Variants in PTCHD4 observed in about 807,000 individuals in gnomAD.
The protein encoded by PTCHD4 is patched domain-containing protein 4.
In PTCHD4, 33 loss-of-function variants were observed where a neutral mutation model predicts 58.1. The ratio of observed to expected loss-of-function variants is 0.57; its 90% CI spans 0.43 to 0.76. PTCHD4 has a LOEUF of 0.76. PTCHD4 is among the 30% of genes least tolerant of loss of function. The pLI is 0.00. For missense variants in PTCHD4, 1,058 were observed against 1,027.1 expected, an observed-to-expected ratio of 1.03 and a Z score of -0.41; for synonymous variants, 478 against 409.6, an observed-to-expected ratio of 1.17 and a Z score of -2.02.
intron 4 of PTCHD4, among the ~76,000 whole-genome samples, chr6:47,909,724 G>T (rs1218058336): frequency 1.3e-5 from 2 of 152,066 alleles, no homozygotes; most frequent in Non-Finnish European, 2.9e-5. Context: ...TTGCAGGTAT[G>T]AGCCACCATG....
rs917868790 is a variant in PTCHD4, at chr6:48,086,026, TA to T, written c.-969-16101del. ...TTTTGACATGACCTGTAACAATAAT[TA>T]AAAAAAAAAGTGGTACAGCAATATT... On this transcript the variant is annotated intron_variant, in intron 1 of 4. Coordinates refer to ENST00000339488, the MANE Select transcript of PTCHD4 (RefSeq NM_001384253.1). Among the ~76,000 whole-genome samples, 292 of 148,526 alleles carry T rather than the reference TA, an allele frequency of 2.0e-3. 3 individuals carry two copies. The highest frequency in any genetic ancestry group is 6.4e-4 in the African/African-American group (26 of 40,476).
At chr6:48,106,301 G>A (rs966926816) in intron 1 of PTCHD4, among the ~76,000 whole-genome samples, 5 of 152,188 alleles carry the variant, frequency 3.3e-5, no homozygotes, top group East Asian at 1.9e-4. Flanking sequence ...TTCAACATAC[G>A]AAAATCAATA....
intron 4 of PTCHD4, among the ~76,000 whole-genome samples, chr6:47,912,465 C>A (rs188834294): frequency 6.6e-6 from 1 of 152,088 alleles, no homozygotes; most frequent in Admixed American, 6.6e-5. Flanking sequence ...TTGACCATTG[C>A]GTCCCCCAAC....
intron 3 of PTCHD4, among the ~76,000 whole-genome samples, chr6:48,023,344 GT>G (rs1044625795): frequency 3.9e-5 from 6 of 152,128 alleles, no homozygotes; most frequent in African/African-American, 1.4e-4. Context: ...ACCCCAAAAG[GT>G]TTTGACAATT....
chr6:47,947,886 C>T (rs113571342), intron 4 of PTCHD4, among the ~76,000 whole-genome samples: 212 of 152,246 alleles, frequency 1.4e-3, no homozygotes, highest in African/African-American at 4.8e-3. Flanking sequence ...TTCTTTCCAT[C>T]TGGGACTATG....
At chr6:48,038,472 T>TTG (rs1763726362) in intron 3 of PTCHD4, among the ~76,000 whole-genome samples, 1 of 151,212 alleles carries the variant, frequency 6.6e-6, no homozygotes, top group Non-Finnish European at 1.5e-5. Flanking sequence ...TGAAACCCCA[T>TTG]CTCTACTTAA....
At position 47,875,406 on chromosome 6, in the gene PTCHD4, T is replaced by C. The variant is rs537973417; in HGVS notation, c.*2897A>G. 2.0e-4 allele frequency among the ~76,000 whole-genome samples: 31 copies of C among 151,972 alleles called. No individual in the cohort carries two copies. The highest frequency in any genetic ancestry group is 1.8e-3 in the Admixed American group (27 of 15,226). Reference sequence around the variant, plus strand: ...AAATGGAATTCTTGGAAACATCTGTTTCACAGTGAGGTTGGGAGGTCAGAC... The same window carrying C: ...AAATGGAATTCTTGGAAACATCTGTCTCACAGTGAGGTTGGGAGGTCAGAC... On this transcript the variant is annotated 3_prime_UTR_variant, in exon 5 of 5. Transcript: ENST00000339488.
rs1185037830 is a variant in PTCHD4, at chr6:47,870,204, T to G, written c.*8099A>C. 6.6e-6 allele frequency among the ~76,000 whole-genome samples: 1 copy of G among 151,734 alleles called. No homozygotes were observed. Among genetic ancestry groups the G allele is most frequent in the Non-Finnish European group, 1.5e-5 (1 of 67,760 alleles). On this transcript the variant is annotated 3_prime_UTR_variant, in exon 5 of 5. Transcript: ENST00000339488. ...GGCACTGTAGTAAATATGATTTTGA[T>G]GACTTTTTTTTCCAAGTAGCTAAGA...
At chr6:47,923,694 T>C (rs1765505070) in intron 4 of PTCHD4, among the ~76,000 whole-genome samples, 1 of 152,370 alleles carries the variant, frequency 6.6e-6, no homozygotes, top group South Asian at 2.1e-4. Context: ...ATGGCAACTA[T>C]AAAACCACTG....
At chr6:48,093,614 T>G (rs1011641889) in intron 1 of PTCHD4, among the ~76,000 whole-genome samples, 4 of 152,104 alleles carry the variant, frequency 2.6e-5, no homozygotes, top group African/African-American at 9.7e-5. Context: ...TGGGAGAAAT[T>G]GCTGGAAAAG....
At chr6:47,932,242 T>A (rs971693255) in intron 4 of PTCHD4, among the ~76,000 whole-genome samples, 1 of 152,186 alleles carries the variant, frequency 6.6e-6, no homozygotes, top group African/African-American at 2.4e-5. Context: ...TTGGTCCTCA[T>A]ATCTAATAGT....
chr6:47,922,657 C>T (rs1185903665), intron 4 of PTCHD4, among the ~76,000 whole-genome samples: 2 of 152,180 alleles, frequency 1.3e-5, no homozygotes, highest in African/African-American at 4.8e-5. Flanking sequence ...TGGCGGGGTG[C>T]CCTTGTTCAA....
intron 4 of PTCHD4, among the ~76,000 whole-genome samples, chr6:47,987,253 G>C (rs1279669483): frequency 7.8e-6 from 1 of 127,866 alleles, no homozygotes; most frequent in Admixed American, 8.3e-5. Flanking sequence ...AACTGTTGTG[G>C]GTGGGGGGAG....
chr6:47,982,528 G>A (rs1200899908), intron 4 of PTCHD4, among the ~76,000 whole-genome samples: 1 of 133,492 alleles, frequency 7.5e-6, no homozygotes, highest in Non-Finnish European at 1.5e-5. Flanking sequence ...TCGCTCAGTC[G>A]CCCAGGCTGG....
rs1763452990 is a variant in PTCHD4 at position 47,862,456 on chromosome 6, T to G, written c.*15847A>C. 6.6e-6 allele frequency among the ~76,000 whole-genome samples: 1 copy of G among 151,860 alleles called. No individual in the cohort carries two copies. Among genetic ancestry groups the G allele is most frequent in the African/African-American group, 2.4e-5 (1 of 41,436 alleles). On this transcript the variant is annotated 3_prime_UTR_variant, in exon 5 of 5. Transcript: ENST00000339488. ...TCAATTATTCTAGAATGCTATATCA[T>G]TTTCAAAAGAATGAAAAATAAAATA...
intron 4 of PTCHD4, among the ~76,000 whole-genome samples, chr6:47,988,785 C>CT (rs1271441445): frequency 3.9e-5 from 6 of 152,270 alleles, no homozygotes; most frequent in Non-Finnish European, 7.4e-5. Flanking sequence ...AATTAAACCT[C>CT]TTTTTTTCCC....
chr6:47,967,930 C>T (rs1767355745), intron 4 of PTCHD4, among the ~76,000 whole-genome samples: 1 of 152,176 alleles, frequency 6.6e-6, no homozygotes, highest in Admixed American at 6.5e-5. Flanking sequence ...AGCAATTAGG[C>T]TGTTTCACTG....
At chr6:48,079,331 C>T (rs1233055822) in intron 1 of PTCHD4, among the ~76,000 whole-genome samples, 1 of 151,982 alleles carries the variant, frequency 6.6e-6, no homozygotes, top group South Asian at 2.1e-4. Context: ...CAGAGTTTGA[C>T]AAATTAAAGA....
intron 4 of PTCHD4, among the ~76,000 whole-genome samples, chr6:47,998,222 C>A (rs1230369822): frequency 3.9e-5 from 6 of 152,002 alleles, no homozygotes; most frequent in African/African-American, 1.5e-4. Context: ...TTGAGGATGG[C>A]TTAGATGCTG....
Sources: allele counts gnomAD v4.1 joint callset (sites outside exome capture counted in the v4.1 genomes callset), GRCh38; gene constraint gnomAD v4.1.1; transcripts MANE v1.5; gene names NCBI Gene and HGNC (gene_info 2026-07-23, HGNC 2026-07-21).